PITPNC1: variants seen among roughly 807,000 people sequenced by gnomAD.
PITPNC1 encodes phosphatidylinositol transfer protein cytoplasmic 1, also known as cytoplasmic phosphatidylinositol transfer protein 1.
In PITPNC1, 18 loss-of-function variants were observed where a neutral mutation model predicts 44.7. The observed-to-expected ratio is 0.40, with a 90% confidence interval of 0.28 to 0.60. The LOEUF (loss-of-function observed/expected upper bound fraction) is 0.60, where lower values mean the gene tolerates loss of function less well. PITPNC1 is among the 20% of genes least tolerant of loss of function. PITPNC1 has a pLI of 0.39. For synonymous variants in PITPNC1, 141 were observed against 149.6 expected, an observed-to-expected ratio of 0.94 and a Z score of 0.42; for missense variants, 290 against 418.4, an observed-to-expected ratio of 0.69 and a Z score of 2.68.
chr17:67,681,079 C>T (rs767069263), intron 8 of PITPNC1, among the ~76,000 whole-genome samples: 25 of 152,306 alleles, frequency 1.6e-4, no homozygotes, highest in Admixed American at 2.6e-4. Context: ...GGAAAATTCA[C>T]GCTTGCAGAT....
intron 4 of PITPNC1, among the ~76,000 whole-genome samples, chr17:67,575,848 T>C: frequency 1.1e-5 from 1 of 95,042 alleles, no homozygotes; most frequent in Non-Finnish European, 2.0e-5. Flanking sequence ...CCTTCTTTCT[T>C]TCTTTCTTTC....
chr17:67,480,732 G>A (rs995690316), intron 1 of PITPNC1, among the ~76,000 whole-genome samples: 1 of 152,122 alleles, frequency 6.6e-6, no homozygotes, highest in African/African-American at 2.4e-5. Context: ...GATCCAGCAT[G>A]ACTTTTCTTC....
chr17:67,561,005 TC>T (rs2040899733), intron 4 of PITPNC1, among the ~76,000 whole-genome samples: 1 of 152,200 alleles, frequency 6.6e-6, no homozygotes, highest in African/African-American at 2.4e-5. Context: ...AAATTTGATT[TC>T]CCTTCTGCAG....
intron 7 of PITPNC1, among the ~76,000 whole-genome samples, chr17:67,673,151 G>A (rs2042542529): frequency 6.6e-6 from 1 of 152,064 alleles, no homozygotes; most frequent in African/African-American, 2.4e-5. Context: ...CCAGAGGCCT[G>A]GAGTCATAAA....
intron 1 of PITPNC1, among the ~76,000 whole-genome samples, chr17:67,393,233 C>T (rs182865393): frequency 9.5e-4 from 144 of 152,108 alleles, no homozygotes; most frequent in Non-Finnish European, 1.8e-3. Context: ...GGTACACTTA[C>T]ATTGTTGTCC....
intron 1 of PITPNC1, among the ~76,000 whole-genome samples, chr17:67,496,154 A>T (rs929849887): frequency 2.0e-5 from 3 of 152,158 alleles, no homozygotes; most frequent in African/African-American, 7.2e-5. Context: ...ACCTTAGAGG[A>T]AAAAATGCTG....
chr17:67,565,190 GT>G (rs1338756117), intron 4 of PITPNC1, among the ~76,000 whole-genome samples: 1 of 151,222 alleles, frequency 6.6e-6, no homozygotes, highest in South Asian at 2.1e-4. Flanking sequence ...AGTTTTCCAT[GT>G]TTTTCAGTGT....
chr17:67,448,778 GTTTA>G (rs1289841233), intron 1 of PITPNC1, among the ~76,000 whole-genome samples: 1 of 152,030 alleles, frequency 6.6e-6, no homozygotes, highest in East Asian at 1.9e-4. Context: ...AATCTTTCTT[GTTTA>G]TTTGTTTGTT....
At chr17:67,614,181 T>C (rs2706697) in intron 5 of PITPNC1, among the ~76,000 whole-genome samples, 152,112 of 152,130 alleles carry the variant, frequency 1, 76,047 homozygotes, top group Middle Eastern at 1. Context: ...GCTGGCAGGG[T>C]ACTTCCCAGC....
At chr17:67,625,518 C>G (rs1163527573) in intron 5 of PITPNC1, among the ~76,000 whole-genome samples, 3 of 152,140 alleles carry the variant, frequency 2.0e-5, no homozygotes, top group Non-Finnish European at 4.4e-5. Flanking sequence ...CTTTGGGGCC[C>G]GGTGAAGCCA....
intron 1 of PITPNC1, among the ~76,000 whole-genome samples, chr17:67,505,831 G>C (rs1022212902): frequency 6.6e-6 from 1 of 152,146 alleles, no homozygotes; most frequent in Non-Finnish European, 1.5e-5. Flanking sequence ...CATGTGTTAC[G>C]CTTGCACACA....
intron 6 of PITPNC1, among the ~76,000 whole-genome samples, chr17:67,667,763 C>T (rs1377494811): frequency 6.6e-6 from 1 of 151,304 alleles, no homozygotes; most frequent in East Asian, 2.0e-4. Context: ...GTGGATCACT[C>T]GCGTTCAGGA....
At chr17:67,565,028 A>G (rs7208238) in intron 4 of PITPNC1, among the ~76,000 whole-genome samples, 92,755 of 150,292 alleles carry the variant, frequency 0.62, 30,536 homozygotes, top group East Asian at 0.79. Flanking sequence ...TTCAGTGTGT[A>G]TACTCGTTTG....
intron 1 of PITPNC1, among the ~76,000 whole-genome samples, chr17:67,455,633 G>C (rs2039245493): frequency 6.6e-6 from 1 of 151,812 alleles, no homozygotes; most frequent in South Asian, 2.1e-4. Flanking sequence ...GTAGAGATGG[G>C]GTTTCACCAT....
chr17:67,686,997 T>TC, intron 8 of PITPNC1: 1 of 861,194 alleles, frequency 1.2e-6, no homozygotes, highest in African/African-American at 1.7e-5. Flanking sequence ...CTACCATCTT[T>TC]CCCTAAAGTG....
At chr17:67,664,534 T>G (rs1351811259) in intron 6 of PITPNC1, among the ~76,000 whole-genome samples, 2 of 152,248 alleles carry the variant, frequency 1.3e-5, no homozygotes, top group Non-Finnish European at 2.9e-5. Flanking sequence ...ATTGTGGTTT[T>G]GATTTGCATT....
chr17:67,561,013 G>T (rs1418025970), intron 4 of PITPNC1, among the ~76,000 whole-genome samples: 3 of 152,080 alleles, frequency 2.0e-5, no homozygotes, highest in African/African-American at 4.8e-5. Flanking sequence ...TTTCCCTTCT[G>T]CAGTTTACAA....
At chr17:67,630,765 G>A (rs1193985988) in intron 5 of PITPNC1, among the ~76,000 whole-genome samples, 1 of 150,550 alleles carries the variant, frequency 6.6e-6, no homozygotes, top group Admixed American at 6.6e-5. Context: ...AGGCTGGAGT[G>A]CAGTGGCGCA....
At chr17:67,454,796 C>A (rs1367335178) in intron 1 of PITPNC1, among the ~76,000 whole-genome samples, 2 of 150,126 alleles carry the variant, frequency 1.3e-5, no homozygotes, top group Non-Finnish European at 3.0e-5. Flanking sequence ...ACATAATACA[C>A]ATATTTCATT....
Sources: allele counts gnomAD v4.1 joint callset (sites outside exome capture counted in the v4.1 genomes callset), GRCh38; gene constraint gnomAD v4.1.1; transcripts MANE v1.5; gene names NCBI Gene and HGNC (gene_info 2026-07-23, HGNC 2026-07-21).